SLC9A9: variants seen among roughly 807,000 people sequenced by gnomAD.
The protein encoded by SLC9A9 is solute carrier family 9 member A9.
SLC9A9 carries 62 observed loss-of-function variants against 77.8 expected under a neutral mutation model. The ratio of observed to expected loss-of-function variants is 0.80; its 90% CI spans 0.65 to 0.98. The LOEUF is 0.98. SLC9A9 is among the 50% of genes least tolerant of loss of function. The probability of loss-of-function intolerance (pLI) is 0.00; values close to 1 mark genes in which losing one functional copy is unlikely to be tolerated. For missense variants in SLC9A9, 775 were observed against 774.9 expected (o/e 1.00, Z 0.00); for synonymous variants, 320 against 283.5 (o/e 1.13, Z -1.29).
At chr3:143,547,997 A>G (rs2036817265) in intron 9 of SLC9A9, among the ~76,000 whole-genome samples, 1 of 152,244 alleles carries the variant, frequency 6.6e-6, no homozygotes, top group Non-Finnish European at 1.5e-5. Flanking sequence ...CATGAATGGA[A>G]TCAGCGATAA....
In SLC9A9 at chr3:143,803,478, G is replaced by A. The variant is rs565950779; in HGVS notation, c.379-6575C>T. Among the ~76,000 whole-genome samples, 14 of 152,120 alleles carry A rather than the reference G, an allele frequency of 9.2e-5. No homozygotes were observed. The East Asian group carries it at 1.4e-3, about 15-fold the overall frequency. ...ATGCCCTACTCTTGTTTACACTGCC[G>A]GTTTACACTGTTTCTCCAAGCCATC... On this transcript the variant is annotated intron_variant, in intron 2 of 15. Transcript: ENST00000316549.
chr3:143,797,269 T>C (rs2008411997), intron 2 of SLC9A9, among the ~76,000 whole-genome samples: 2 of 151,790 alleles, frequency 1.3e-5, no homozygotes, highest in African/African-American at 4.8e-5. Flanking sequence ...AAATTGGTTC[T>C]TCGCTTTCCC....
chr3:143,608,801 G>A (rs138543338), intron 6 of SLC9A9, among the ~76,000 whole-genome samples: 3 of 152,248 alleles, frequency 2.0e-5, no homozygotes, highest in South Asian at 2.1e-4. Flanking sequence ...GCAGAGAAGG[G>A]TGTTAGGGGA....
chr3:143,392,399 C>T (rs1045423430), intron 12 of SLC9A9, among the ~76,000 whole-genome samples: 3 of 152,168 alleles, frequency 2.0e-5, no homozygotes, highest in African/African-American at 7.2e-5. Flanking sequence ...CAAGCAAAGA[C>T]TGAGAGATTT....
chr3:143,596,230 G>C (rs916399677), intron 6 of SLC9A9, among the ~76,000 whole-genome samples: 3 of 152,310 alleles, frequency 2.0e-5, no homozygotes, highest in African/African-American at 4.8e-5. Context: ...CTTTTTAAAA[G>C]AGATTTGAAA....
chr3:143,434,352 G>C (rs1272607931), intron 12 of SLC9A9, among the ~76,000 whole-genome samples: 1 of 152,162 alleles, frequency 6.6e-6, no homozygotes, highest in East Asian at 1.9e-4. Flanking sequence ...AGAGAAAGAG[G>C]GGCAGAAGGA....
rs1443691958 is a variant in SLC9A9 at position 143,268,948 on chromosome 3, G to C, written c.1637C>G (p.Pro546Arg). The change falls in exon 15 of 16, where the codon CCT (proline) becomes CGT (arginine). Residue 546 changes from proline (P) to arginine (R), a missense_variant. Pro to Arg is a moderately radical substitution (Grantham distance 103, BLOSUM62 -2). Coordinates refer to ENST00000316549, the MANE Select transcript of SLC9A9 (RefSeq NM_173653.4). Reference sequence around the variant, plus strand: ...TTCAGGTAATGTTGTAGTCAGCGGAGGACCAGAGTGGGTTAAAATTGGTTT... The same window carrying C: ...TTCAGGTAATGTTGTAGTCAGCGGACGACCAGAGTGGGTTAAAATTGGTTT... The part of the protein sequence containing the change: ...YLKPILTHSG[P>R]PLTTTLPEWC... 6.2e-7 allele frequency: 1 copy of C among 1,613,520 alleles called. No homozygotes were observed. Among genetic ancestry groups the C allele is most frequent in the Admixed American group, 1.7e-5 (1 of 59,976 alleles).
At chr3:143,391,330 C>A (rs1220942306) in intron 12 of SLC9A9, among the ~76,000 whole-genome samples, 2 of 152,238 alleles carry the variant, frequency 1.3e-5, no homozygotes, top group African/African-American at 4.8e-5. Flanking sequence ...TGCTGATACC[C>A]AGGCAAACAG....
At position 143,807,363 on chromosome 3, in the gene SLC9A9, G is replaced by A. The variant is rs114318064; in HGVS notation, c.379-10460C>T. Reference sequence around the variant, plus strand: ...AGTTTTTTTACTCAGATTTCTGAATGAGCCAGTATAACAAAAGAAATGGTG... The same window carrying A: ...AGTTTTTTTACTCAGATTTCTGAATAAGCCAGTATAACAAAAGAAATGGTG... On this transcript the variant is annotated intron_variant, in intron 2 of 15. Transcript: ENST00000316549. 9.1e-3 allele frequency among the ~76,000 whole-genome samples: 1,386 copies of A among 152,356 alleles called. 20 individuals are homozygous for A. Among genetic ancestry groups the A allele is most frequent in the African/African-American group, 0.031 (1,298 of 41,582 alleles).
chr3:143,609,173 T>C (rs1402006278), intron 6 of SLC9A9, among the ~76,000 whole-genome samples: 2 of 152,168 alleles, frequency 1.3e-5, no homozygotes, highest in African/African-American at 4.8e-5. Flanking sequence ...AGAGAACAGA[T>C]TCCTGGGAAG....
At chr3:143,703,583 T>C (rs1033358838) in intron 4 of SLC9A9, among the ~76,000 whole-genome samples, 1 of 151,840 alleles carries the variant, frequency 6.6e-6, no homozygotes, top group Non-Finnish European at 1.5e-5. Context: ...AAGCAGGAAG[T>C]TTATAGCTAA....
At chr3:143,267,915 CT>C (rs1937778105) in intron 15 of SLC9A9, among the ~76,000 whole-genome samples, 1 of 152,258 alleles carries the variant, frequency 6.6e-6, no homozygotes, top group Admixed American at 6.5e-5. Flanking sequence ...TGGTTTCCAA[CT>C]TTCGCCTGTC....
At chr3:143,656,213 T>C (rs1054678593) in intron 5 of SLC9A9, among the ~76,000 whole-genome samples, 1 of 152,180 alleles carries the variant, frequency 6.6e-6, no homozygotes, top group Non-Finnish European at 1.5e-5. Context: ...GGGTCAAACA[T>C]AGGATAATTC....
chr3:143,608,739 T>A (rs1006090677), intron 6 of SLC9A9, among the ~76,000 whole-genome samples: 1 of 152,106 alleles, frequency 6.6e-6, no homozygotes, highest in African/African-American at 2.4e-5. Context: ...ATAACGCATA[T>A]GAAAAACTGG....
intron 9 of SLC9A9, among the ~76,000 whole-genome samples, chr3:143,518,900 T>A (rs940607487): frequency 6.6e-6 from 1 of 152,232 alleles, no homozygotes; most frequent in Non-Finnish European, 1.5e-5. Flanking sequence ...AACTAGATGG[T>A]ATTTACTAGG....
chr3:143,377,633 A>G (rs544578302), intron 13 of SLC9A9, among the ~76,000 whole-genome samples: 4 of 152,252 alleles, frequency 2.6e-5, no homozygotes, highest in Non-Finnish European at 5.9e-5. Flanking sequence ...ATTAAGTAAC[A>G]AGCATAGTGT....
chr3:143,680,069 A>G (rs1049524101), intron 5 of SLC9A9, among the ~76,000 whole-genome samples: 10 of 152,114 alleles, frequency 6.6e-5, no homozygotes, highest in African/African-American at 2.4e-4. Flanking sequence ...GACATGAGAG[A>G]TAAAAATAGA....
At chr3:143,284,581 A>G (rs528208079) in intron 14 of SLC9A9, among the ~76,000 whole-genome samples, 2 of 152,010 alleles carry the variant, frequency 1.3e-5, no homozygotes, top group African/African-American at 4.8e-5. Flanking sequence ...TCTAAAATAT[A>G]ATATAATATA....
intron 14 of SLC9A9, among the ~76,000 whole-genome samples, chr3:143,348,207 C>A (rs142097046): frequency 0.01 from 1,542 of 152,226 alleles, 27 homozygotes; most frequent in African/African-American, 0.036. Flanking sequence ...ACCATGTTGC[C>A]AGGATGGTCT....
Sources: gnomAD v4.1 joint callset for allele counts (sites outside exome capture counted in the v4.1 genomes callset) on GRCh38, gnomAD v4.1.1 for gene constraint, MANE v1.5 for transcripts, NCBI Gene and HGNC (gene_info 2026-07-23, HGNC 2026-07-21) for gene names.